UNC5D: variants seen among roughly 807,000 people sequenced by gnomAD.
UNC5D encodes unc-5 netrin receptor D.
A neutral mutation model predicts 105.4 loss-of-function variants in UNC5D; 39 were observed. That is an observed-to-expected ratio of 0.37 (90% CI 0.29 to 0.48). UNC5D has a LOEUF of 0.48. Ranked by LOEUF, UNC5D falls within the 20% of genes least tolerant of loss-of-function variation. The pLI, the probability that UNC5D is intolerant of heterozygous loss-of-function variation, is 0.98. For synonymous variants in UNC5D, 452 were observed against 450.4 expected (o/e 1.00, Z -0.04); for missense variants, 991 against 1,202.4 (o/e 0.82, Z 2.60).
chr8:35,686,078 T>C (rs1433805249), intron 6 of UNC5D, among the ~76,000 whole-genome samples: 2 of 152,196 alleles, frequency 1.3e-5, no homozygotes, highest in Non-Finnish European at 2.9e-5. Context: ...TTTAATACTA[T>C]CAATATATTT....
intron 11 of UNC5D, among the ~76,000 whole-genome samples, chr8:35,745,054 CA>C (rs34156742): frequency 1.4e-3 from 192 of 135,950 alleles, no homozygotes; most frequent in African/African-American, 2.9e-3. Context: ...AACTCTGTCT[CA>C]AAAAAAAAAA....
At chr8:35,297,602 A>G (rs576462583) in intron 1 of UNC5D, among the ~76,000 whole-genome samples, 314 of 152,282 alleles carry the variant, frequency 2.1e-3, no homozygotes, top group African/African-American at 7.3e-3. Flanking sequence ...ACTAGGACAC[A>G]GGCCCAGCCT....
intron 1 of UNC5D, among the ~76,000 whole-genome samples, chr8:35,244,090 C>A (rs558985745): frequency 6.6e-5 from 10 of 152,286 alleles, no homozygotes; most frequent in African/African-American, 2.4e-4. Flanking sequence ...AATTCATGTG[C>A]ATGCAACTTA....
intron 4 of UNC5D, among the ~76,000 whole-genome samples, chr8:35,648,791 C>A (rs752009360): frequency 6.6e-6 from 1 of 150,858 alleles, no homozygotes; most frequent in African/African-American, 2.4e-5. Flanking sequence ...TAGCAATGTA[C>A]AAGTTGGGGT....
rs776755576 is a variant in UNC5D at position 35,463,792 on chromosome 8, GAA to G, written c.104-85486_104-85485del. The stretch of plus-strand genomic sequence containing the variant: ...GGCAACAGAGCAATAACCTGTCTCA[GAA>G]AAAAAAAAAAAAATGACAACAATTT... On this transcript the variant is annotated intron_variant, in intron 1 of 16. Coordinates refer to ENST00000404895, the MANE Select transcript of UNC5D (RefSeq NM_080872.4). Among the ~76,000 whole-genome samples, 487 of 114,376 alleles carry G rather than the reference GAA, an allele frequency of 4.3e-3. 5 individuals carry two copies. The highest frequency in any genetic ancestry group is 0.015 in the African/African-American group (470 of 31,190). 75.0% of individuals were successfully genotyped at this position (114,376 alleles called of 152,430 possible). A position where few individuals can be genotyped will look rare whatever the true frequency, so the allele number is the denominator to read the frequency against.
chr8:35,708,182 G>T (rs1563690514), intron 8 of UNC5D, among the ~76,000 whole-genome samples: 1 of 152,190 alleles, frequency 6.6e-6, no homozygotes, highest in Non-Finnish European at 1.5e-5. Context: ...ATCACTCAGA[G>T]CTCTGCACAG....
chr8:35,789,910 A>G (rs1802956619), intron 16 of UNC5D, among the ~76,000 whole-genome samples: 2 of 151,426 alleles, frequency 1.3e-5, no homozygotes, highest in South Asian at 4.2e-4. Context: ...ACACACACAC[A>G]CACACACACA....
At position 35,555,077 on chromosome 8, in the gene UNC5D, A is replaced by G. The variant is rs547859779; in HGVS notation, c.322+5567A>G. Among the ~76,000 whole-genome samples the G allele has an allele frequency of 1.1e-3, 170 of 152,372 alleles. 1 individual carries two copies. Among genetic ancestry groups the G allele is most frequent in the African/African-American group, 4.0e-3 (166 of 41,584 alleles). On this transcript the variant is annotated intron_variant, in intron 2 of 16. Transcript: ENST00000404895. ...AACCATTAATTTGAAAGTATCTTCA[A>G]TGATTCACAAATCACTAAAGTACAT... is the stretch of plus-strand genomic sequence containing the variant.
chr8:35,332,477 AG>A (rs1810701528), intron 1 of UNC5D, among the ~76,000 whole-genome samples: 1 of 152,242 alleles, frequency 6.6e-6, no homozygotes, highest in Non-Finnish European at 1.5e-5. Context: ...GAAAATGAAA[AG>A]ATTTCATGTG....
At chr8:35,514,698 A>T (rs1388587885) in intron 1 of UNC5D, among the ~76,000 whole-genome samples, 1 of 152,100 alleles carries the variant, frequency 6.6e-6, no homozygotes, top group East Asian at 1.9e-4. Context: ...CAATTCAAAC[A>T]AAAAGAAATC....
chr8:35,533,788 C>T lies in UNC5D; in HGVS notation c.104-15504C>T, dbSNP rs577889442. Among the ~76,000 whole-genome samples, 24 of 152,278 alleles carry T rather than the reference C, an allele frequency of 1.6e-4. No homozygotes were observed. In the East Asian group the frequency reaches 2.7e-3, roughly 17 times the overall value. ...TAGCCGGTCTGAAAAGCACAATATT[C>T]GGGTGGGAGTAACCCGATTTTCCAA... is the stretch of plus-strand genomic sequence containing the variant. On this transcript the variant is annotated intron_variant, in intron 1 of 16. Coordinates refer to ENST00000404895, the MANE Select transcript of UNC5D (RefSeq NM_080872.4).
intron 4 of UNC5D, among the ~76,000 whole-genome samples, chr8:35,641,744 TGGG>T (rs1241233604): frequency 6.6e-6 from 1 of 152,132 alleles, no homozygotes; most frequent in Non-Finnish European, 1.5e-5. Flanking sequence ...CAAAGTAGCT[TGGG>T]AAAATAGGAG....
intron 1 of UNC5D, among the ~76,000 whole-genome samples, chr8:35,533,590 T>C (rs377559911): frequency 2.0e-5 from 3 of 152,240 alleles, no homozygotes; most frequent in African/African-American, 4.8e-5. Flanking sequence ...TCGAGCTTCC[T>C]GGCTGCTTTG....
intron 1 of UNC5D, among the ~76,000 whole-genome samples, chr8:35,402,129 G>A (rs921881131): frequency 1.3e-5 from 2 of 152,134 alleles, no homozygotes; most frequent in African/African-American, 2.4e-5. Flanking sequence ...TTCATGCTAC[G>A]TGGAGTGGCT....
intron 1 of UNC5D, among the ~76,000 whole-genome samples, chr8:35,268,137 T>C (rs1487769592): frequency 6.6e-6 from 1 of 152,220 alleles, no homozygotes; most frequent in Non-Finnish European, 1.5e-5. Flanking sequence ...AAACATAATA[T>C]TATAAATGTA....
chr8:35,433,400 C>T (rs1308545751), intron 1 of UNC5D, among the ~76,000 whole-genome samples: 1 of 152,048 alleles, frequency 6.6e-6, no homozygotes, highest in Non-Finnish European at 1.5e-5. Context: ...TTCCTTCTTG[C>T]TTTATGATAG....
intron 4 of UNC5D, among the ~76,000 whole-genome samples, chr8:35,682,330 A>G (rs553902455): frequency 5.3e-5 from 8 of 152,320 alleles, no homozygotes; most frequent in Non-Finnish European, 1.2e-4. Flanking sequence ...GAAGTATCTT[A>G]TTCTAAAACC....
chr8:35,364,391 G>A (rs1457547101), intron 1 of UNC5D, among the ~76,000 whole-genome samples: 1 of 152,084 alleles, frequency 6.6e-6, no homozygotes, highest in East Asian at 1.9e-4. Flanking sequence ...ATGAGCTGCT[G>A]TCTTCTTTTG....
chr8:35,702,667 G>A (rs1037797280), intron 7 of UNC5D, among the ~76,000 whole-genome samples: 1 of 152,186 alleles, frequency 6.6e-6, no homozygotes, highest in Non-Finnish European at 1.5e-5. Context: ...AAGTCAGTGG[G>A]TAGCCCTCTC....
Sources: gnomAD v4.1 joint callset for allele counts (sites outside exome capture counted in the v4.1 genomes callset) on GRCh38, gnomAD v4.1.1 for gene constraint, MANE v1.5 for transcripts, NCBI Gene and HGNC (gene_info 2026-07-23, HGNC 2026-07-21) for gene names.